Variants in KLHL4 observed in about 807,000 individuals in gnomAD.
The protein encoded by KLHL4 is kelch like family member 4, also known as kelch-like protein 4.
KLHL4 carries 17 observed loss-of-function variants against 45.8 expected under a neutral mutation model. The ratio of observed to expected loss-of-function variants is 0.37; its 90% CI spans 0.25 to 0.56. KLHL4 has a LOEUF of 0.56. Among genes scored for constraint, KLHL4 ranks in the 20% least tolerant of loss-of-function variants. The probability of loss-of-function intolerance (pLI) is 0.79; values close to 1 mark genes in which losing one functional copy is unlikely to be tolerated. For synonymous variants in KLHL4, 224 were observed against 189.9 expected (o/e 1.18, Z -1.47); for missense variants, 544 against 544.9 (o/e 1.00, Z 0.02).
At chrX:87,654,169 G>A (rs1303707022) in intron 9 of KLHL4, among the ~76,000 whole-genome samples, 1 of 111,667 alleles carries the variant, frequency 9.0e-6, no homozygotes, top group Non-Finnish European at 1.9e-5. Flanking sequence ...AAAAAAATTA[G>A]GCAGTATAAG....
chrX:87,599,217 AG>A (rs1365540471), intron 1 of KLHL4, among the ~76,000 whole-genome samples: 4 of 110,792 alleles, frequency 3.6e-5, no homozygotes, highest in African/African-American at 1.3e-4. Context: ...CTGCCTAGAG[AG>A]TTGGCTCTTT....
At chrX:87,545,498 T>C (rs1931656956) in intron 1 of KLHL4, among the ~76,000 whole-genome samples, 1 of 96,406 alleles carries the variant, frequency 1.0e-5, no homozygotes, top group Middle Eastern at 4.9e-3. Context: ...CCCTCTGACA[T>C]GATTGTTAAG....
intron 1 of KLHL4, among the ~76,000 whole-genome samples, chrX:87,605,944 C>A (rs1044386855): frequency 1.8e-5 from 2 of 110,750 alleles, no homozygotes; most frequent in Non-Finnish European, 3.8e-5. Context: ...ATCATGAAGC[C>A]TTGTTAAATC....
At chrX:87,594,960 G>A (rs1207389670) in intron 1 of KLHL4, among the ~76,000 whole-genome samples, 1 of 109,923 alleles carries the variant, frequency 9.1e-6, no homozygotes, top group Non-Finnish European at 1.9e-5. Flanking sequence ...ATTAGGTCAA[G>A]CTTTGTTCCA....
At chrX:87,587,037 C>A (rs1422484351) in intron 1 of KLHL4, among the ~76,000 whole-genome samples, 3 of 106,625 alleles carry the variant, frequency 2.8e-5, no homozygotes, top group Non-Finnish European at 5.8e-5. Flanking sequence ...TTGACAAATT[C>A]CTAGATACAT....
chrX:87,586,653 A>C, intron 1 of KLHL4, among the ~76,000 whole-genome samples: 1 of 111,185 alleles, frequency 9.0e-6, no homozygotes, highest in Non-Finnish European at 1.9e-5. Flanking sequence ...GTTTGCAGCT[A>C]TAAGTGCTTA....
At chrX:87,564,671 G>GA (rs1184273109) in intron 1 of KLHL4, among the ~76,000 whole-genome samples, 3 of 111,478 alleles carry the variant, frequency 2.7e-5, no homozygotes, top group Non-Finnish European at 5.7e-5. Flanking sequence ...ATCATATGAA[G>GA]AAAAAACCGA....
intron 1 of KLHL4, among the ~76,000 whole-genome samples, chrX:87,560,987 T>C (rs374716785): frequency 2.7e-5 from 3 of 111,109 alleles, no homozygotes; most frequent in South Asian, 7.6e-4. Flanking sequence ...TATCACCATA[T>C]ATAAAAATAA....
In KLHL4 at chrX:87,517,978, T is replaced by A; in HGVS notation, c.85T>A (p.Ser29Thr). Residue 29 changes from serine to threonine, a missense_variant, in exon 1 of 11, where the codon TCC (serine) becomes ACC (threonine). By Grantham distance (58) the Ser-to-Thr change is moderately conservative (BLOSUM62 1). Transcript: ENST00000373119. ...GTGGTTTAGTCATCCTTTTCAAGGT[T>A]CCACCAACACTGGAAGCTGTCTTCA... ...WRWFSHPFQG[S>T]TNTGSCLQQE... 8.3e-7 allele frequency: 1 copy of A among 1,211,445 alleles called. No individual in the cohort carries two copies. Among genetic ancestry groups the A allele is most frequent in the Non-Finnish European group, 1.1e-6 (1 of 895,355 alleles).
chrX:87,658,856 A>G (rs1924082649), intron 9 of KLHL4, among the ~76,000 whole-genome samples: 1 of 111,109 alleles, frequency 9.0e-6, no homozygotes, highest in African/African-American at 3.3e-5. Flanking sequence ...TTTATTAGTC[A>G]TCTCATTGAG....
rs768258716 is a variant in KLHL4, at chrX:87,668,123, A to G, written c.*1589A>G. 7 of 752,493 alleles carry G rather than the reference A, an allele frequency of 9.3e-6. No homozygotes were observed. Among genetic ancestry groups the G allele is most frequent in the Non-Finnish European group, 1.1e-5 (7 of 637,511 alleles). The allele number at this position is 752,493 out of a possible 1,213,427, so 62.0% of individuals were successfully genotyped here. ...TGCAGTTCTAGAGGTGAAGATAGAGACATAGAGAGGCTGTGAAACACACAT... is the reference window on the plus strand; with the variant it reads ...TGCAGTTCTAGAGGTGAAGATAGAGGCATAGAGAGGCTGTGAAACACACAT... On this transcript the variant is annotated 3_prime_UTR_variant, in exon 11 of 11. Transcript: ENST00000373119.
At chrX:87,565,869 A>T (rs1932200413) in intron 1 of KLHL4, among the ~76,000 whole-genome samples, 1 of 110,088 alleles carries the variant, frequency 9.1e-6, no homozygotes, top group Admixed American at 9.8e-5. Flanking sequence ...TCTAGAAAAA[A>T]TAGAAAATCT....
Position 87,632,762 on chromosome X carries a change from C to T in KLHL4, c.1549+328C>T, listed in dbSNP as rs150987381. ...TAGAGAGGAAAGTACTTGACTATTGCGAGGGATTGTGTTTCTAGTTAGATG... is the reference window on the plus strand; with the variant it reads ...TAGAGAGGAAAGTACTTGACTATTGTGAGGGATTGTGTTTCTAGTTAGATG... On this transcript the variant is annotated intron_variant, in intron 7 of 10. Transcript: ENST00000373119. Among the ~76,000 whole-genome samples, 424 of 111,326 alleles carry T rather than the reference C, an allele frequency of 3.8e-3. 2 individuals carry two copies. The highest frequency in any genetic ancestry group is 4.0e-3 in the Non-Finnish European group (212 of 53,048).
At chrX:87,607,592 C>T (rs1247865727) in intron 1 of KLHL4, among the ~76,000 whole-genome samples, 1 of 111,724 alleles carries the variant, frequency 9.0e-6, no homozygotes, top group Non-Finnish European at 1.9e-5. Flanking sequence ...TATTTTGTGC[C>T]TGTATCTAAT....
rs141794543 is a variant in KLHL4 at position 87,613,204 on chromosome X, A to G, written c.423-673A>G. On this transcript the variant is annotated intron_variant, in intron 1 of 10. Transcript: ENST00000373119. ...ATTAAGTGCATTCATCTTATCAATCAATTGTTCATCTCCTACTGATTGTAA... is the reference window on the plus strand; with the variant it reads ...ATTAAGTGCATTCATCTTATCAATCGATTGTTCATCTCCTACTGATTGTAA... Among the ~76,000 whole-genome samples, 173 of 111,942 alleles carry G rather than the reference A, an allele frequency of 1.5e-3. 8 individuals are homozygous for G. The East Asian group carries it at 0.031, about 20-fold the overall frequency.
At chrX:87,599,542 A>G (rs139192267) in intron 1 of KLHL4, among the ~76,000 whole-genome samples, 13 of 111,174 alleles carry the variant, frequency 1.2e-4, no homozygotes, top group African/African-American at 3.9e-4. Flanking sequence ...TTCCTTTTCT[A>G]CATTCATAGA....
intron 1 of KLHL4, among the ~76,000 whole-genome samples, chrX:87,548,972 T>A (rs892037065): frequency 2.8e-5 from 3 of 108,650 alleles, no homozygotes; most frequent in African/African-American, 1.0e-4. Flanking sequence ...TCAAAAGACA[T>A]AGATTAAGTG....
intron 1 of KLHL4, among the ~76,000 whole-genome samples, chrX:87,533,782 A>G (rs1402099236): frequency 2.7e-5 from 3 of 111,399 alleles, no homozygotes; most frequent in Non-Finnish European, 5.6e-5. Context: ...CAATTTTCTC[A>G]TTGTTAGTAA....
intron 1 of KLHL4, among the ~76,000 whole-genome samples, chrX:87,528,531 A>G (rs1412960979): frequency 9.2e-6 from 1 of 108,285 alleles, no homozygotes; most frequent in Non-Finnish European, 1.9e-5. Flanking sequence ...CCTGGCCAAC[A>G]TGGTGAAACT....
Sources: gnomAD v4.1 joint callset for allele counts (sites outside exome capture counted in the v4.1 genomes callset) on GRCh38, gnomAD v4.1.1 for gene constraint, MANE v1.5 for transcripts, NCBI Gene and HGNC (gene_info 2026-07-23, HGNC 2026-07-21) for gene names.